Variants in TARDBP observed in about 807,000 individuals in gnomAD.
The protein encoded by TARDBP is TAR DNA binding protein.
In TARDBP, 4 loss-of-function variants were observed where a neutral mutation model predicts 38.3. The ratio of observed to expected loss-of-function variants is 0.10; its 90% CI spans 0.05 to 0.24. The LOEUF is 0.24. Ranked by LOEUF, TARDBP falls within the 10% of genes least tolerant of loss-of-function variation. TARDBP has a pLI of 1.00. For missense variants in TARDBP, 202 were observed against 521.9 expected (o/e 0.39, Z 5.97); for synonymous variants, 184 against 183.8 (o/e 1.00, Z -0.01).
Position 11,020,530 on chromosome 1 carries a change from G to C in TARDBP, c.645G>C (p.Gly215=). The stretch of plus-strand genomic sequence containing the variant: ...TGCGGGAGTTCTTCTCTCAGTACGG[G>C]GATGTGATGGATGTCTTCATCCCCA... ...DELREFFSQY[G]DVMDVFIPKP... The change falls in exon 5 of 6, where the codon GGG becomes GGC. Residue 215 remains glycine, a synonymous_variant. Coordinates refer to ENST00000240185, the MANE Select transcript of TARDBP (RefSeq NM_007375.4). The C allele has an allele frequency of 6.2e-7, 1 of 1,613,926 alleles. No individual in the cohort carries two copies.
In TARDBP at chr1:11,022,533, G is replaced by A. The variant is rs1233784457; in HGVS notation, c.1124G>A (p.Ser375Asn). 6.3e-7 allele frequency: 1 copy of A among 1,589,740 alleles called. No individual in the cohort carries two copies. The change falls in exon 6 of 6, where the codon AGT (serine) becomes AAT (asparagine). Residue 375 changes from serine (S) to asparagine (N), a missense_variant. By Grantham distance (46) the Ser-to-Asn change is conservative. This residue lies in a region of TARDBP where 107 missense variants were observed against 190.5 expected (regional missense o/e 0.56). Transcript: ENST00000240185. The surrounding 1 kb of genome is among the most constrained non-coding windows in gnomAD (Gnocchi z 4.5). ...TTCGGTTCTGGAAATAACTCTTATAGTGGCTCTAATTCTGGTGCAGCAATT... is the reference window on the plus strand; with the variant it reads ...TTCGGTTCTGGAAATAACTCTTATAATGGCTCTAATTCTGGTGCAGCAATT... ...QAFGSGNNSY[S>N]GSNSGAAIGW... is the part of the protein sequence containing the mutation.
Position 11,022,064 on chromosome 1 carries a change from A to T in TARDBP, c.715-60A>T. On this transcript the variant is annotated intron_variant, in intron 5 of 5. Transcript: ENST00000240185. The surrounding 1 kb of genome is among the most constrained non-coding windows in gnomAD (Gnocchi z 4.5). ...TGCTTGTAATCTAAGTTTTGTTGCT[A>T]CTTTAAATATATGAATCAGTGGTTT... The T allele has an allele frequency of 6.3e-7, 1 of 1,593,208 alleles. No homozygotes were observed.
downstream of TARDBP, chr1:11,030,413 TA>T: frequency 1.7e-6 from 1 of 604,426 alleles, no homozygotes; most frequent in Non-Finnish European, 2.9e-6. Flanking sequence ...GTCTCTGCAT[TA>T]CCATGTTTGC....
At position 11,022,424 on chromosome 1, in the gene TARDBP, A is replaced by G. The variant is rs1162800752; in HGVS notation, c.1015A>G (p.Met339Val). 2.5e-6 allele frequency: 4 copies of G among 1,613,788 alleles called. No homozygotes were observed. Among genetic ancestry groups the G allele is most frequent in the Admixed American group, 3.3e-5 (2 of 59,982 alleles). ...ACAGAGCAGTTGGGGTATGATGGGC[A>G]TGTTAGCCAGCCAGCAGAACCAGTC... ...ALQSSWGMMG[M>V]LASQQNQSGP... The change falls in exon 6 of 6, where the codon ATG becomes GTG. Residue 339 changes from methionine to valine, a missense_variant. By Grantham distance (21) the Met-to-Val change is conservative (BLOSUM62 1). Around this residue, in one of 5 missense-constraint regions of TARDBP, gnomAD observed 107 missense variants for 190.5 expected, o/e 0.56. Coordinates refer to ENST00000240185, the MANE Select transcript of TARDBP (RefSeq NM_007375.4). The surrounding 1 kb of genome is among the most constrained non-coding windows in gnomAD (Gnocchi z 4.5).
chr1:11,027,081 T>C (rs1452759865), downstream of TARDBP: 2 of 1,597,802 alleles, frequency 1.3e-6, no homozygotes, highest in Admixed American at 1.7e-5. Flanking sequence ...GCCCCCACTT[T>C]CTAAGCCAGC....
Position 11,022,423 on chromosome 1 carries a change from C to T in TARDBP, c.1014C>T (p.Gly338=), listed in dbSNP as rs1454384027. The T allele has an allele frequency of 6.2e-7, 1 of 1,613,854 alleles. No homozygotes were observed. Among genetic ancestry groups the T allele is most frequent in the Non-Finnish European group, 8.5e-7 (1 of 1,179,778 alleles). ...AALQSSWGMM[G]MLASQQNQSG... is the part of the protein sequence containing the mutation. ...TACAGAGCAGTTGGGGTATGATGGG[C>T]ATGTTAGCCAGCCAGCAGAACCAGT... Residue 338 remains glycine (G), a synonymous_variant, in exon 6 of 6, where the codon GGC becomes GGT. Transcript: ENST00000240185. This position sits in a 1 kb window ranked among gnomAD's most constrained non-coding sequence, Gnocchi z 4.5.
At chr1:11,030,217 G>C (rs201988936), downstream of TARDBP, 19 of 1,613,362 alleles carry the variant, frequency 1.2e-5, no homozygotes, top group Non-Finnish European at 1.6e-5. Flanking sequence ...TTTGGAGCTC[G>C]TCCAGAATCC....
At chr1:11,019,987 C>T (rs1383114157) in intron 4 of TARDBP, among the ~76,000 whole-genome samples, 4 of 151,912 alleles carry the variant, frequency 2.6e-5, no homozygotes, top group Non-Finnish European at 4.4e-5. Context: ...CCTCAGCCTC[C>T]CAAGATGCTG....
chr1:11,027,750 AATTAT>A (rs1363129682), downstream of TARDBP: 16 of 1,258,416 alleles, frequency 1.3e-5, no homozygotes, highest in Non-Finnish European at 1.8e-5. Context: ...GTCAACCAAA[AATTAT>A]ATTACATGAA....
At chr1:11,021,252 G>C (rs1005471696) in intron 5 of TARDBP, among the ~76,000 whole-genome samples, 2 of 151,914 alleles carry the variant, frequency 1.3e-5, no homozygotes, top group Non-Finnish European at 2.9e-5. Context: ...GATTGTCTTG[G>C]CTCAGCCTCC....
At chr1:11,019,715 C>T (rs879751890) in intron 4 of TARDBP, among the ~76,000 whole-genome samples, 7 of 151,716 alleles carry the variant, frequency 4.6e-5, no homozygotes, top group Admixed American at 6.6e-5. Context: ...TACAGGTGCC[C>T]ACCAACACGC....
At chr1:11,015,407 AC>A (rs1192648049) in intron 2 of TARDBP, 3 of 151,972 alleles carry the variant, frequency 2.0e-5, no homozygotes, top group African/African-American at 7.3e-5. Context: ...AATTGCTTGA[AC>A]CGGGAGGTGG....
At chr1:11,014,721 C>T (rs1477771236) in intron 2 of TARDBP, among the ~76,000 whole-genome samples, 1 of 152,070 alleles carries the variant, frequency 6.6e-6, no homozygotes, top group Non-Finnish European at 1.5e-5. Flanking sequence ...GGTGGATCAC[C>T]TGAGATCAGG....
chr1:11,027,046 C>A, downstream of TARDBP: 1 of 1,593,028 alleles, frequency 6.3e-7, no homozygotes, highest in Non-Finnish European at 8.5e-7. Context: ...AGTGCCCCTC[C>A]GCTGTCACCT....
At chr1:11,013,055 C>T (rs571907446) in intron 1 of TARDBP, among the ~76,000 whole-genome samples, 2 of 152,336 alleles carry the variant, frequency 1.3e-5, no homozygotes, top group Admixed American at 1.3e-4. Context: ...GGGCCTGGTG[C>T]TCCTGCGCCC....
downstream of TARDBP, chr1:11,027,529 A>T (rs1643759459): frequency 1.2e-6 from 2 of 1,614,140 alleles, no homozygotes; most frequent in Non-Finnish European, 1.7e-6. Context: ...TTGTCATATA[A>T]AAGTGCACCT....
Position 11,023,637 on chromosome 1 carries a change from A to G in TARDBP, c.*983A>G. ...ATGTACGAATGTTTTTTGCATTCAA[A>G]GGACATCCACATCTGTTGGAAGACT... is the stretch of plus-strand genomic sequence containing the variant. On this transcript the variant is annotated 3_prime_UTR_variant, in exon 6 of 6. Transcript: ENST00000240185. 4.0e-6 allele frequency: 1 copy of G among 247,106 alleles called. No individual in the cohort carries two copies. The highest frequency in any genetic ancestry group is 2.2e-5 in the African/African-American group (1 of 44,912). The allele number at this position is 247,106 out of a possible 1,614,324, so 15.3% of individuals were successfully genotyped here.
intron 1 of TARDBP, among the ~76,000 whole-genome samples, chr1:11,013,230 T>C (rs545252715): frequency 6.6e-6 from 1 of 152,350 alleles, no homozygotes; most frequent in African/African-American, 2.4e-5. Flanking sequence ...TTTCTCCTGT[T>C]CTTTACACCT....
At chr1:11,020,328 G>C (rs1406321848) in intron 4 of TARDBP, 101 bp from the exon 5 acceptor site, 1 of 1,416,666 alleles carries the variant, frequency 7.1e-7, no homozygotes, top group African/African-American at 1.4e-5. Flanking sequence ...ATGGTTCACT[G>C]CTATCCAAGG....
Sources: gnomAD v4.1 joint callset for allele counts (sites outside exome capture counted in the v4.1 genomes callset) on GRCh38, gnomAD v4.1.1 for gene constraint, gnomAD v4.1.1 regional missense constraint, Gnocchi (gnomAD v3.1) non-coding constraint, MANE v1.5 for transcripts, NCBI Gene and HGNC (gene_info 2026-07-23, HGNC 2026-07-21) for gene names.